GLRA2: variants seen among roughly 807,000 people sequenced by gnomAD.
GLRA2 encodes glycine receptor subunit alpha-2.
Under a neutral mutation model 31.6 loss-of-function variants are expected in GLRA2, and 11 were observed. The ratio of observed to expected loss-of-function variants is 0.35; its 90% CI spans 0.22 to 0.58. The LOEUF (loss-of-function observed/expected upper bound fraction) is 0.58. Among genes scored for constraint, GLRA2 ranks in the 20% least tolerant of loss-of-function variants. GLRA2 has a pLI of 0.84. For synonymous variants in GLRA2, 132 were observed against 134.0 expected (o/e 0.99, Z 0.10); for missense variants, 212 against 351.8 (o/e 0.60, Z 3.18).
At chrX:14,487,853 A>G in the GLRA2 span, among the ~76,000 whole-genome samples, 1 of 111,656 alleles carries the variant, frequency 9.0e-6, no homozygotes, top group African/African-American at 3.3e-5. Context: ...TCAGATTCTA[A>G]TACTCTAGTG....
chrX:14,565,332 T>C (rs1352469898), intron 2 of GLRA2, among the ~76,000 whole-genome samples: 1 of 111,852 alleles, frequency 8.9e-6, no homozygotes, highest in Non-Finnish European at 1.9e-5. Context: ...ATACTAATGT[T>C]AGACAAAATA....
At chrX:14,712,935 T>C (rs2091732877) in intron 8 of GLRA2, among the ~76,000 whole-genome samples, 1 of 112,055 alleles carries the variant, frequency 8.9e-6, no homozygotes, top group Admixed American at 9.5e-5. Flanking sequence ...AAGTTTCTCT[T>C]ACTGAAAAAT....
chrX:14,553,585 G>A (rs1291082476), intron 2 of GLRA2, among the ~76,000 whole-genome samples: 1 of 111,441 alleles, frequency 9.0e-6, no homozygotes, highest in Non-Finnish European at 1.9e-5. Context: ...ATCAGTGTCT[G>A]TGTCTTTCCC....
At chrX:14,520,660 G>A in the GLRA2 span, among the ~76,000 whole-genome samples, 1 of 112,628 alleles carries the variant, frequency 8.9e-6, no homozygotes, top group Non-Finnish European at 1.9e-5. Flanking sequence ...GAGCCTGGAA[G>A]AGCAGTGATT....
At chrX:14,636,850 G>A (rs955205059) in intron 7 of GLRA2, among the ~76,000 whole-genome samples, 3 of 111,663 alleles carry the variant, frequency 2.7e-5, no homozygotes, top group Non-Finnish European at 5.7e-5. Flanking sequence ...ATAAATATTT[G>A]AAAGCAACTG....
chrX:14,650,656 T>C (rs1375317540), intron 7 of GLRA2, among the ~76,000 whole-genome samples: 1 of 111,525 alleles, frequency 9.0e-6, no homozygotes, highest in Admixed American at 9.5e-5. Context: ...TTTTTAATTA[T>C]AATAGACAGT....
chrX:14,666,946 T>G (rs765507305), intron 7 of GLRA2, among the ~76,000 whole-genome samples: 39 of 112,389 alleles, frequency 3.5e-4, no homozygotes, highest in African/African-American at 1.3e-3. Flanking sequence ...TCATCTATTC[T>G]CTTGTATTTA....
rs150653587 is a variant in GLRA2, at chrX:14,553,251, G to A, written c.202+20879G>A. Reference sequence around the variant, plus strand: ...TCAGAGAAAGGATATGCAATAAAGAGCAATTATGCAGATTCAGCCTTCAAT... The same window carrying A: ...TCAGAGAAAGGATATGCAATAAAGAACAATTATGCAGATTCAGCCTTCAAT... On this transcript the variant is annotated intron_variant, in intron 2 of 8. Coordinates refer to ENST00000218075, the MANE Select transcript of GLRA2 (RefSeq NM_002063.4). 6.3e-5 allele frequency among the ~76,000 whole-genome samples: 7 copies of A among 111,946 alleles called. No homozygotes were observed. The East Asian group carries it at 2.0e-3, about 32-fold the overall frequency.
rs2089313367 is a variant in GLRA2 at position 14,535,637 on chromosome X, C to T, written c.202+3265C>T. 2.7e-5 allele frequency among the ~76,000 whole-genome samples: 3 copies of T among 112,244 alleles called. 1 individual carries two copies. The South Asian group carries it at 1.1e-3, about 41-fold the overall frequency. ...ATACATTTAATGAAAATCCTCAATT[C>T]AGATAAAAACACAAGCTATATCCAT... is the stretch of plus-strand genomic sequence containing the variant. On this transcript the variant is annotated intron_variant, in intron 2 of 8. Transcript: ENST00000218075.
the GLRA2 span, among the ~76,000 whole-genome samples, chrX:14,465,674 C>T: frequency 5.4e-4 from 61 of 112,279 alleles, no homozygotes; most frequent in African/African-American, 1.9e-3. Context: ...CAAGTGTCCT[C>T]TACTTTCAGA....
chrX:14,496,362 G>A, the GLRA2 span, among the ~76,000 whole-genome samples: 1 of 111,951 alleles, frequency 8.9e-6, no homozygotes, highest in African/African-American at 3.2e-5. Context: ...CCGCACATAT[G>A]TGGGTTGATC....
intron 2 of GLRA2, among the ~76,000 whole-genome samples, chrX:14,545,042 C>T: frequency 8.9e-6 from 1 of 111,769 alleles, no homozygotes; most frequent in African/African-American, 3.2e-5. Context: ...AGCCCCTACA[C>T]ATTCTATATC....
the GLRA2 span, among the ~76,000 whole-genome samples, chrX:14,462,535 T>A: frequency 8.9e-6 from 1 of 111,940 alleles, no homozygotes; most frequent in South Asian, 3.7e-4. Context: ...TCTTGGAGGC[T>A]TTGTTCATTT....
chrX:14,730,611 G>GT lies in GLRA2; in HGVS notation c.*127dup. On this transcript the variant is annotated 3_prime_UTR_variant, in exon 9 of 9. Transcript: ENST00000218075. ...GGAGGGGGGAGGGAGGGTCATGGGGGTGGGTTTCCTGGCACCTACATGAAA... is the reference window on the plus strand; with the variant it reads ...GGAGGGGGGAGGGAGGGTCATGGGGGTTGGGTTTCCTGGCACCTACATGAAA... 1 of 296,997 alleles carries GT rather than the reference G, an allele frequency of 3.4e-6. No individual in the cohort carries two copies. The highest frequency in any genetic ancestry group is 5.9e-6 in the Non-Finnish European group (1 of 168,135). The allele number at this position is 296,997 out of a possible 1,213,427, so 24.5% of individuals were successfully genotyped here. A position where few individuals can be genotyped will look rare whatever the true frequency, so the allele number is the denominator to read the frequency against.
chrX:14,458,956 G>A, the GLRA2 span, among the ~76,000 whole-genome samples: 1 of 111,730 alleles, frequency 9.0e-6, no homozygotes, highest in Non-Finnish European at 1.9e-5. Flanking sequence ...CCATGCCTAT[G>A]TCCTGAATGG....
chrX:14,648,613 C>T (rs993670098), intron 7 of GLRA2, among the ~76,000 whole-genome samples: 1 of 111,441 alleles, frequency 9.0e-6, no homozygotes, highest in Non-Finnish European at 1.9e-5. Flanking sequence ...GAACAGAACG[C>T]TTATATCCGA....
At chrX:14,707,074 GC>G (rs753609819) in intron 8 of GLRA2, among the ~76,000 whole-genome samples, 64 of 111,605 alleles carry the variant, frequency 5.7e-4, no homozygotes, top group South Asian at 2.6e-3. Flanking sequence ...CTTCATCCCA[GC>G]CAAGTACCCT....
the GLRA2 span, among the ~76,000 whole-genome samples, chrX:14,520,189 C>G: frequency 6.3e-5 from 7 of 111,850 alleles, no homozygotes; most frequent in African/African-American, 2.0e-4. Flanking sequence ...AATGTGAGAA[C>G]TCCCCAAAAT....
At chrX:14,613,470 CAA>C (rs2090422338) in intron 7 of GLRA2, among the ~76,000 whole-genome samples, 2 of 110,469 alleles carry the variant, frequency 1.8e-5, no homozygotes. Context: ...TTTTAAAAAA[CAA>C]AGAAAGCAAA....
Sources: allele counts gnomAD v4.1 joint callset (sites outside exome capture counted in the v4.1 genomes callset), GRCh38; gene constraint gnomAD v4.1.1; transcripts MANE v1.5; gene names NCBI Gene and HGNC (gene_info 2026-07-23, HGNC 2026-07-21).